Variants in MARK2 observed in about 807,000 individuals in gnomAD.
MARK2 encodes microtubule affinity regulating kinase 2.
MARK2 carries 16 observed loss-of-function variants against 89.8 expected under a neutral mutation model. That is an observed-to-expected ratio of 0.18 (90% CI 0.12 to 0.27). MARK2 has a LOEUF of 0.27. MARK2 is among the 10% of genes least tolerant of loss of function. The pLI is 1.00. For synonymous variants in MARK2, 382 were observed against 399.5 expected, an observed-to-expected ratio of 0.96 and a Z score of 0.52; for missense variants, 621 against 1,049.9, an observed-to-expected ratio of 0.59 and a Z score of 5.65.
rs1261424649 is a variant in MARK2, at chr11:63,909,841, A to T, written c.*604A>T. On this transcript the variant is annotated 3_prime_UTR_variant, in exon 19 of 19. Transcript: ENST00000402010. ...GGGCTGGAGGCCTGGGCGGTGGGGC[A>T]GGGGGCGGGGGTGCTGCGCAGCCCT... is the stretch of plus-strand genomic sequence containing the variant. 6.6e-6 allele frequency: 1 copy of T among 150,778 alleles called. No homozygotes were observed. The highest frequency in any genetic ancestry group is 1.5e-5 in the Non-Finnish European group (1 of 67,592). The allele number at this position is 150,778 out of a possible 1,614,324, so 9.3% of individuals were successfully genotyped here.
chr11:63,867,004 G>A (rs993457478), intron 1 of MARK2, among the ~76,000 whole-genome samples: 9 of 152,274 alleles, frequency 5.9e-5, no homozygotes, highest in Non-Finnish European at 1.0e-4. Flanking sequence ...GAACCTGCTG[G>A]TAGCCTGATG....
chr11:63,875,181 T>A (rs2135273367), intron 1 of MARK2, among the ~76,000 whole-genome samples: 1 of 147,454 alleles, frequency 6.8e-6, no homozygotes, highest in South Asian at 2.2e-4. Flanking sequence ...AGTGCAGTGG[T>A]GCGATCTCGG....
In MARK2 at chr11:63,898,689, C is replaced by T. The variant is rs1396144183; in HGVS notation, c.403+16C>T. The stretch of plus-strand genomic sequence containing the variant: ...GCTAGTGGCGGTAGGTGTGGAACTG[C>T]CTCTTCCTGTTGTGCCCCCACTTCT... On this transcript the variant is annotated intron_variant, in intron 5 of 18. Transcript: ENST00000402010. 2 of 1,613,022 alleles carry T rather than the reference C, an allele frequency of 1.2e-6. No individual in the cohort carries two copies. The highest frequency in any genetic ancestry group is 2.7e-5 in the African/African-American group (2 of 74,896).
At chr11:63,872,903 C>T (rs1938540666) in intron 1 of MARK2, among the ~76,000 whole-genome samples, 1 of 137,866 alleles carries the variant, frequency 7.3e-6, no homozygotes, top group Non-Finnish European at 1.6e-5. Flanking sequence ...ACCCCCACCC[C>T]CACCCCCACC....
At position 63,895,145 on chromosome 11, in the gene MARK2, T is replaced by C. The variant is rs766973783; in HGVS notation, c.55-14T>C. 1.1e-4 allele frequency: 180 copies of C among 1,608,534 alleles called. No homozygotes were observed. The Middle Eastern group carries it at 2.8e-3, about 25-fold the overall frequency. ...AGTGTGGCATGTAATGGTATCTCTG[T>C]TTCCACCCCGCAGCCCACCTTGGGA... On this transcript the variant is annotated splice_polypyrimidine_tract_variant and intron_variant, in intron 1 of 18. Coordinates refer to ENST00000402010, the MANE Select transcript of MARK2 (RefSeq NM_001039469.3).
intron 18 of MARK2, among the ~76,000 whole-genome samples, 196 bp downstream of exon 18, chr11:63,908,500 G>A (rs568820496): frequency 1.3e-5 from 2 of 152,268 alleles, no homozygotes; most frequent in Admixed American, 6.5e-5. Flanking sequence ...TTCTCCTCAG[G>A]TCTGGTATAT....
intron 1 of MARK2, among the ~76,000 whole-genome samples, chr11:63,882,850 A>G (rs1939178506): frequency 6.6e-6 from 1 of 152,152 alleles, no homozygotes; most frequent in South Asian, 2.1e-4. Context: ...AGGCAAAGAA[A>G]ACGAGGTTAG....
At chr11:63,845,051 C>T (rs1001316710) in intron 1 of MARK2, among the ~76,000 whole-genome samples, 2 of 152,122 alleles carry the variant, frequency 1.3e-5, no homozygotes, top group African/African-American at 4.8e-5. Flanking sequence ...TAAATGGACT[C>T]CCCCCAGCAG....
intron 1 of MARK2, among the ~76,000 whole-genome samples, chr11:63,882,270 A>G (rs1208415475): frequency 5.9e-5 from 9 of 151,826 alleles, no homozygotes; most frequent in Non-Finnish European, 1.3e-4. Context: ...CCAGCCTGAA[A>G]TAATAAAAGT....
chr11:63,894,658 T>G (rs1940212539), intron 1 of MARK2, among the ~76,000 whole-genome samples: 1 of 152,164 alleles, frequency 6.6e-6, no homozygotes, highest in Admixed American at 6.5e-5. Flanking sequence ...ATCGCACCAT[T>G]GCACTCCAGC....
chr11:63,907,927 G>A (rs1029956271), intron 17 of MARK2, among the ~76,000 whole-genome samples: 8 of 152,230 alleles, frequency 5.3e-5, no homozygotes, highest in African/African-American at 9.7e-5. Context: ...GCCTCGTGCC[G>A]GGCCGTGTGC....
At chr11:63,855,468 G>A (rs1002968052) in intron 1 of MARK2, among the ~76,000 whole-genome samples, 2 of 150,990 alleles carry the variant, frequency 1.3e-5, no homozygotes, top group African/African-American at 2.4e-5. Flanking sequence ...GCTGTAGTAA[G>A]TTGTGATTGT....
At chr11:63,846,736 A>C (rs1415356866) in intron 1 of MARK2, among the ~76,000 whole-genome samples, 2 of 151,530 alleles carry the variant, frequency 1.3e-5, no homozygotes, top group African/African-American at 4.9e-5. Context: ...GCTCACTGCA[A>C]GGTCCGCCTC....
chr11:63,907,610 C>T (rs971647242), intron 17 of MARK2, among the ~76,000 whole-genome samples: 1 of 151,622 alleles, frequency 6.6e-6, no homozygotes, highest in Non-Finnish European at 1.5e-5. Flanking sequence ...ATCCTCCCTG[C>T]GTATGAGCAG....
chr11:63,886,509 C>T (rs1939405714), intron 1 of MARK2, among the ~76,000 whole-genome samples: 1 of 152,110 alleles, frequency 6.6e-6, no homozygotes, highest in Non-Finnish European at 1.5e-5. Context: ...ACTGCAACCT[C>T]CACCTCCCAG....
intron 1 of MARK2, among the ~76,000 whole-genome samples, chr11:63,848,114 A>G (rs368421): frequency 0.99 from 150,741 of 152,338 alleles, 74,599 homozygotes; most frequent in Middle Eastern, 1. Context: ...TAGCACTAGG[A>G]AGTCTTTCTC....
intron 3 of MARK2, 58 bp from the exon 4 acceptor site, chr11:63,898,174 G>A (rs1398441338): frequency 6.8e-7 from 1 of 1,468,972 alleles, no homozygotes; most frequent in African/African-American, 1.4e-5. Context: ...GGGACTGTTT[G>A]GAGAGACCTG....
intron 1 of MARK2, among the ~76,000 whole-genome samples, chr11:63,854,107 A>C (rs1196430278): frequency 1.3e-5 from 2 of 151,710 alleles, no homozygotes; most frequent in Non-Finnish European, 2.9e-5. Flanking sequence ...TCCTGACCTC[A>C]GGTGATCCAC....
At chr11:63,890,312 T>A in intron 1 of MARK2, 1 of 1,332,754 alleles carries the variant, frequency 7.5e-7, no homozygotes, top group Non-Finnish European at 9.9e-7. Flanking sequence ...AAGGGAAGGA[T>A]TGAGCACTTG....
Sources: allele counts gnomAD v4.1 joint callset (sites outside exome capture counted in the v4.1 genomes callset), GRCh38; gene constraint gnomAD v4.1.1; transcripts MANE v1.5; gene names NCBI Gene and HGNC (gene_info 2026-07-23, HGNC 2026-07-21).